Variants in RNF207 observed in about 807,000 individuals in gnomAD.
RNF207 encodes ring finger protein 207, also known as OTTHUMG00000001089.
In RNF207, 72 loss-of-function variants were observed where a neutral mutation model predicts 79.0. That is an observed-to-expected ratio of 0.91 (90% CI 0.75 to 1.11). The LOEUF is 1.11. Ranked by LOEUF, RNF207 falls within the 50% of genes least tolerant of loss-of-function variation. RNF207 has a pLI of 0.00. For missense variants in RNF207, 936 were observed against 855.8 expected, an observed-to-expected ratio of 1.09 and a Z score of -1.17; for synonymous variants, 348 against 366.2, an observed-to-expected ratio of 0.95 and a Z score of 0.57.
chr1:6,211,921 A>C lies in RNF207; in HGVS notation c.1164A>C (p.Pro388=), dbSNP rs1571207001. The change falls in exon 13 of 18, where the codon CCA becomes CCC. Residue 388 remains proline, a synonymous_variant. Coordinates refer to ENST00000377939, the MANE Select transcript of RNF207 (RefSeq NM_207396.3). The surrounding 1 kb of genome is among the most constrained non-coding windows in gnomAD (Gnocchi z 4.2). ...KALTGPHCPS[P]VGKMSGSPVQ... is the part of the protein sequence containing the mutation. ...TGACGGGGCCCCACTGCCCCTCCCC[A>C]GTAGGAAAGATGTCGGGGTCACCCG... 1 of 1,551,464 alleles carries C rather than the reference A, an allele frequency of 6.4e-7. No individual in the cohort carries two copies. The highest frequency in any genetic ancestry group is 8.7e-7 in the Non-Finnish European group (1 of 1,147,604).
In RNF207 at chr1:6,206,360, G is replaced by A. The variant is rs1667898378; in HGVS notation, c.-1+58G>A. ...CACTGCCTGTTCTCCCTGCGCCGGG[G>A]AGCTCCAGGCCCCAGCCCTAACCTG... On this transcript the variant is annotated intron_variant, in intron 1 of 17. Coordinates refer to ENST00000377939, the MANE Select transcript of RNF207 (RefSeq NM_207396.3). 6.9e-6 allele frequency: 4 copies of A among 581,816 alleles called. No homozygotes were observed. The South Asian group carries it at 8.4e-5, about 12-fold the overall frequency. The allele number at this position is 581,816 out of a possible 1,614,324, so 36.0% of individuals were successfully genotyped here.
At position 6,219,415 on chromosome 1, in the gene RNF207, G is replaced by A; in HGVS notation, c.*8G>A. The A allele has an allele frequency of 6.3e-7, 1 of 1,592,372 alleles. No homozygotes were observed. The highest frequency in any genetic ancestry group is 8.6e-7 in the Non-Finnish European group (1 of 1,167,728). ...AGGGAACACCCGACTTAGCAAATGG[G>A]ACCGGTCCCCAGGGTCAGGCTCTTA... On this transcript the variant is annotated 3_prime_UTR_variant, in exon 18 of 18. Coordinates refer to ENST00000377939, the MANE Select transcript of RNF207 (RefSeq NM_207396.3).
Position 6,219,385 on chromosome 1 carries a change from C to T in RNF207, c.1883C>T (p.Thr628Ile), listed in dbSNP as rs1668473627. ...SKQKNGGDVPTWREHPT is the reference protein window; with the variant it reads ...SKQKNGGDVPIWREHPT ...CAGAAAAATGGGGGCGATGTCCCCA[C>T]ATGGAGGGAACACCCGACTTAGCAA... The change falls in exon 18 of 18, where the codon ACA becomes ATA. Residue 628 changes from threonine to isoleucine, a missense_variant. Transcript: ENST00000377939. 2 of 1,608,142 alleles carry T rather than the reference C, an allele frequency of 1.2e-6. No individual in the cohort carries two copies. The highest frequency in any genetic ancestry group is 1.7e-6 in the Non-Finnish European group (2 of 1,177,548).
rs567802976 is a variant in RNF207, at chr1:6,213,101, A to C, written c.1570A>C (p.Asn524His). 3 of 1,613,366 alleles carry C rather than the reference A, an allele frequency of 1.9e-6. No individual in the cohort carries two copies. Among genetic ancestry groups the C allele is most frequent in the Non-Finnish European group, 2.5e-6 (3 of 1,179,764 alleles). The stretch of plus-strand genomic sequence containing the variant: ...TGACCTTCTCCAGCTGAGGCAGGAG[A>C]ATGCCTACCTGACCACCATCACCAA... Reference protein sequence around the residue: ...LHDLLQLRQENAYLTTITKQI... With the variant: ...LHDLLQLRQEHAYLTTITKQI... The change falls in exon 16 of 18, where the codon AAT (asparagine) becomes CAT (histidine). Residue 524 changes from asparagine to histidine, a missense_variant. Coordinates refer to ENST00000377939, the MANE Select transcript of RNF207 (RefSeq NM_207396.3).
At chr1:6,214,956 T>C (rs1274923494) in intron 16 of RNF207, among the ~76,000 whole-genome samples, 1 of 151,744 alleles carries the variant, frequency 6.6e-6, no homozygotes, top group Non-Finnish European at 1.5e-5. Flanking sequence ...TTCTTCACTT[T>C]TTCTTTTTGG....
chr1:6,206,824 G>A, intron 2 of RNF207, 98 bp downstream of exon 2: 1 of 985,466 alleles, frequency 1.0e-6, no homozygotes, highest in South Asian at 1.6e-5. Flanking sequence ...GGAGAGTAAG[G>A]CTCCAACTTC....
rs144139448 is a variant in RNF207 at position 6,214,630 on chromosome 1, C to CTTTTTT, written c.1652+1465_1652+1470dup. On this transcript the variant is annotated intron_variant, in intron 16 of 17. Transcript: ENST00000377939. The stretch of plus-strand genomic sequence containing the variant: ...GTTGGCCAGGCTGGAATATTTCTTT[C>CTTTTTT]TTTTTTTTTTTTTTTTTTTTTTTGA... Among the ~76,000 whole-genome samples the CTTTTTT allele has an allele frequency of 6.1e-4, 43 of 70,656 alleles. 6 individuals are homozygous for CTTTTTT. Among genetic ancestry groups the CTTTTTT allele is most frequent in the African/African-American group, 2.8e-3 (41 of 14,648 alleles). The allele number at this position is 70,656 out of a possible 152,430, so 46.4% of individuals were successfully genotyped here.
rs528197576 is a variant in RNF207, at chr1:6,219,815, A to G, written c.*408A>G. The G allele has an allele frequency of 1.3e-5, 2 of 150,954 alleles. No homozygotes were observed. Among genetic ancestry groups the G allele is most frequent in the East Asian group, 3.9e-4 (2 of 5,116 alleles). The allele number at this position is 150,954 out of a possible 1,614,324, so 9.4% of individuals were successfully genotyped here. A position where few individuals can be genotyped will look rare whatever the true frequency, so the allele number is the denominator to read the frequency against. On this transcript the variant is annotated 3_prime_UTR_variant, in exon 18 of 18. Coordinates refer to ENST00000377939, the MANE Select transcript of RNF207 (RefSeq NM_207396.3). ...GGCCAATGTTGTTGTTGTTTTTAAG[A>G]CAGAATTTCACTCTTTGTTGCCCAG...
rs1184064725 is a variant in RNF207, at chr1:6,206,581, G to T, written c.46G>T (p.Asp16Tyr). 1 of 1,602,530 alleles carries T rather than the reference G, an allele frequency of 6.2e-7. No homozygotes were observed. The highest frequency in any genetic ancestry group is 1.3e-5 in the African/African-American group (1 of 75,010). ...FGPLEGPSSL[D>Y]APSIHPLVCP... is the part of the protein sequence containing the mutation. Reference sequence around the variant, plus strand: ...GCCCCTGGAGGGCCCGAGCTCCCTGGATGCCCCGAGCATCCACCCGCTGGT... The same window carrying T: ...GCCCCTGGAGGGCCCGAGCTCCCTGTATGCCCCGAGCATCCACCCGCTGGT... The change falls in exon 2 of 18, where the codon GAT (aspartate) becomes TAT (tyrosine). Residue 16 changes from aspartate to tyrosine, a missense_variant. Coordinates refer to ENST00000377939, the MANE Select transcript of RNF207 (RefSeq NM_207396.3).
rs1668158450 is a variant in RNF207 at position 6,211,295 on chromosome 1, C to A, written c.1109+177C>A. ...GGCACAGGGGATGGCCAGGGCGAGT[C>A]CACTAAGTAGGGGAACAGGAAGCCC... On this transcript the variant is annotated intron_variant, in intron 12 of 17. Coordinates refer to ENST00000377939, the MANE Select transcript of RNF207 (RefSeq NM_207396.3). The surrounding 1 kb of genome is among the most constrained non-coding windows in gnomAD (Gnocchi z 4.2). 6.6e-6 allele frequency among the ~76,000 whole-genome samples: 1 copy of A among 152,154 alleles called. No homozygotes were observed. Among genetic ancestry groups the A allele is most frequent in the South Asian group, 2.1e-4 (1 of 4,826 alleles).
At chr1:6,209,889 G>A in intron 7 of RNF207, 35 bp from the exon 8 acceptor site, 3 of 1,560,234 alleles carry the variant, frequency 1.9e-6, no homozygotes, top group Non-Finnish European at 2.6e-6. Flanking sequence ...CAGGGCTGGG[G>A]CGCAAATCAA....
rs895494502 is a variant in RNF207 at position 6,217,838 on chromosome 1, C to T, written c.1653-451C>T. Among the ~76,000 whole-genome samples, 8 of 152,194 alleles carry T rather than the reference C, an allele frequency of 5.3e-5. No individual in the cohort carries two copies. Among genetic ancestry groups the T allele is most frequent in the Non-Finnish European group, 1.0e-4 (7 of 68,034 alleles). ...GGGACCTTCCCTGTGCACCTGTGAC[C>T]GTGTCTGCCCCTCATAACACCCTAG... On this transcript the variant is annotated intron_variant, in intron 16 of 17. Coordinates refer to ENST00000377939, the MANE Select transcript of RNF207 (RefSeq NM_207396.3). This position sits in a 1 kb window ranked among gnomAD's most constrained non-coding sequence, Gnocchi z 4.2.
Position 6,210,425 on chromosome 1 carries a change from T to A in RNF207, c.929T>A (p.Leu310Gln), listed in dbSNP as rs144299459. The change falls in exon 10 of 18, where the codon CTG becomes CAG. Residue 310 changes from leucine (L) to glutamine (Q), a missense_variant. Leu to Gln is a moderately radical substitution (Grantham distance 113). Coordinates refer to ENST00000377939, the MANE Select transcript of RNF207 (RefSeq NM_207396.3). ...FLSLANKAEFLDLGYELMERL... is the reference protein window; with the variant it reads ...FLSLANKAEFQDLGYELMERL... ...AGCTTGGCCAACAAGGCTGAGTTCC[T>A]GGACCTGGGCTATGTGAGTCTCCTC... 1.9e-6 allele frequency: 3 copies of A among 1,613,352 alleles called. No homozygotes were observed. Among genetic ancestry groups the A allele is most frequent in the South Asian group, 1.1e-5 (1 of 91,038 alleles).
chr1:6,215,940 G>T (rs537702842), intron 16 of RNF207, among the ~76,000 whole-genome samples: 1 of 152,238 alleles, frequency 6.6e-6, no homozygotes, highest in Admixed American at 6.5e-5. Flanking sequence ...GAGGCAGATC[G>T]GAAGCTCTGA....
At chr1:6,208,411 C>G (rs1389164701) in intron 3 of RNF207, 4 of 157,460 alleles carry the variant, frequency 2.5e-5, no homozygotes, top group African/African-American at 4.8e-5. Context: ...CTCTGCCTCC[C>G]GAGTTCAAGT....
At chr1:6,212,515 CA>C in intron 14 of RNF207, 99 bp downstream of exon 14, 1 of 1,309,846 alleles carries the variant, frequency 7.6e-7, no homozygotes, top group South Asian at 1.3e-5. Context: ...GCCTGTACCC[CA>C]CGGGACCCTC....
At position 6,209,110 on chromosome 1, in the gene RNF207, C is replaced by A; in HGVS notation, c.470-5C>A. 1 of 1,551,932 alleles carries A rather than the reference C, an allele frequency of 6.4e-7. No homozygotes were observed. Among genetic ancestry groups the A allele is most frequent in the African/African-American group, 1.4e-5 (1 of 73,292 alleles). On this transcript the variant is annotated splice_polypyrimidine_tract_variant and splice_region_variant and intron_variant, in intron 4 of 17. Coordinates refer to ENST00000377939, the MANE Select transcript of RNF207 (RefSeq NM_207396.3). ...AGCCCTCACCACCGCCCGCCGCCCC[C>A]GCAGCGCTGCACGCAGAGCCCTACC...
rs1464504774 is a variant in RNF207, at chr1:6,219,435, C to T, written c.*28C>T. The stretch of plus-strand genomic sequence containing the variant: ...AATGGGACCGGTCCCCAGGGTCAGG[C>T]TCTTAGAGCAGGCACAAGACTGGGA... On this transcript the variant is annotated 3_prime_UTR_variant, in exon 18 of 18. Coordinates refer to ENST00000377939, the MANE Select transcript of RNF207 (RefSeq NM_207396.3). 1 of 1,544,518 alleles carries T rather than the reference C, an allele frequency of 6.5e-7. No homozygotes were observed. The highest frequency in any genetic ancestry group is 1.9e-5 in the Admixed American group (1 of 52,596).
At chr1:6,212,168 C>T in intron 13 of RNF207, 63 bp from the exon 14 acceptor site, 1 of 1,551,374 alleles carries the variant, frequency 6.4e-7, no homozygotes, top group Non-Finnish European at 8.8e-7. Flanking sequence ...ATTCCTCCAC[C>T]AAGTCCATGG....
Sources: allele counts gnomAD v4.1 joint callset (sites outside exome capture counted in the v4.1 genomes callset), GRCh38; gene constraint gnomAD v4.1.1; non-coding constraint Gnocchi (gnomAD v3.1); transcripts MANE v1.5; gene names NCBI Gene and HGNC (gene_info 2026-07-23, HGNC 2026-07-21).